PLSCR4: variants seen among roughly 807,000 people sequenced by gnomAD.
PLSCR4 encodes the protein Ca(2+)-dependent phospholipid scramblase 4.
Under a neutral mutation model 36.3 loss-of-function variants are expected in PLSCR4, and 25 were observed. The ratio of observed to expected loss-of-function variants is 0.69; its 90% CI spans 0.50 to 0.96. The LOEUF (loss-of-function observed/expected upper bound fraction) is 0.96, where lower values mean the gene tolerates loss of function less well. Ranked by LOEUF, PLSCR4 falls within the 40% of genes least tolerant of loss-of-function variation. The pLI, the probability that PLSCR4 is intolerant of heterozygous loss-of-function variation, is 0.00. For synonymous variants in PLSCR4, 122 were observed against 132.9 expected, an observed-to-expected ratio of 0.92 and a Z score of 0.56; for missense variants, 408 against 414.7, an observed-to-expected ratio of 0.98 and a Z score of 0.14.
At chr3:146,228,927 A>G (rs2035585077) in intron 1 of PLSCR4, among the ~76,000 whole-genome samples, 1 of 152,158 alleles carries the variant, frequency 6.6e-6, no homozygotes, top group Non-Finnish European at 1.5e-5. Flanking sequence ...CTAATATATC[A>G]CAAGTACCTA....
At chr3:146,211,619 C>A (rs115888538) in intron 3 of PLSCR4, among the ~76,000 whole-genome samples, 64 of 152,118 alleles carry the variant, frequency 4.2e-4, no homozygotes, top group African/African-American at 1.5e-3. Flanking sequence ...GAAACTATTG[C>A]CTAATCCAAG....
At position 146,192,931 on chromosome 3, in the gene PLSCR4, CA is replaced by C. The variant is rs1411166785; in HGVS notation, c.*1479del. On this transcript the variant is annotated 3_prime_UTR_variant, in exon 9 of 9. Transcript: ENST00000354952. ...TTAAAAAACAAAGCACCTTTCATTT[CA>C]AAAAGAACTGTAGGCTAAGACCCTC... 2.0e-5 allele frequency: 3 copies of C among 152,030 alleles called. No homozygotes were observed. The highest frequency in any genetic ancestry group is 7.2e-5 in the African/African-American group (3 of 41,494). 9.4% of individuals were successfully genotyped at this position (152,030 alleles called of 1,614,324 possible). A position where few individuals can be genotyped will look rare whatever the true frequency, so the allele number is the denominator to read the frequency against.
intron 1 of PLSCR4, among the ~76,000 whole-genome samples, chr3:146,241,366 T>C (rs1008898685): frequency 6.6e-6 from 1 of 152,154 alleles, no homozygotes; most frequent in Non-Finnish European, 1.5e-5. Context: ...AAAAGAAAGC[T>C]GGAGTGGTTA....
chr3:146,201,611 T>G (rs16858040), intron 4 of PLSCR4, among the ~76,000 whole-genome samples: 7,790 of 152,160 alleles, frequency 0.051, 606 homozygotes, highest in African/African-American at 0.17. Context: ...TAAACTGACT[T>G]GCATTCACTT....
At chr3:146,243,613 A>G (rs1031605355) in intron 1 of PLSCR4, among the ~76,000 whole-genome samples, 1 of 152,322 alleles carries the variant, frequency 6.6e-6, no homozygotes, top group Non-Finnish European at 1.5e-5. Context: ...TTAAAACTGC[A>G]AAGTGCCTAT....
chr3:146,220,949 G>C, intron 2 of PLSCR4, 24 bp from the exon 3 acceptor site: 2 of 1,371,620 alleles, frequency 1.5e-6, no homozygotes, highest in Non-Finnish European at 2.1e-6. Context: ...CAGGGAACAT[G>C]ACTTACAAAG....
rs369298750 is a variant in PLSCR4 at position 146,207,526 on chromosome 3, TCA to T, written c.119-767_119-766del. On this transcript the variant is annotated intron_variant, in intron 3 of 8. Transcript: ENST00000354952. ...AGATGTTCACCTTCTTGCTATATGC[TCA>T]CAGAGTGAAGGGGGAGAGAGAGAGA... 4.1e-4 allele frequency among the ~76,000 whole-genome samples: 63 copies of T among 152,120 alleles called. 1 individual carries two copies. The highest frequency in any genetic ancestry group is 1.4e-3 in the African/African-American group (59 of 41,526).
chr3:146,196,316 A>G (rs2033740400), intron 7 of PLSCR4: 1 of 244,990 alleles, frequency 4.1e-6, no homozygotes, highest in Non-Finnish European at 8.0e-6. Flanking sequence ...TAGGGAAAAA[A>G]ATGGTTAATT....
chr3:146,234,330 C>T (rs2107830400), intron 1 of PLSCR4, among the ~76,000 whole-genome samples: 1 of 152,242 alleles, frequency 6.6e-6, no homozygotes, highest in East Asian at 1.9e-4. Context: ...GAATGAGCAT[C>T]CCTAAAGCTC....
At chr3:146,213,098 CT>C (rs2034709510) in intron 3 of PLSCR4, among the ~76,000 whole-genome samples, 2 of 151,984 alleles carry the variant, frequency 1.3e-5, no homozygotes, top group East Asian at 3.9e-4. Context: ...GTGTTTAATC[CT>C]TTTTTATGTT....
At chr3:146,216,629 T>G (rs528507595) in intron 3 of PLSCR4, among the ~76,000 whole-genome samples, 17 of 152,202 alleles carry the variant, frequency 1.1e-4, no homozygotes, top group African/African-American at 4.1e-4. Flanking sequence ...TGAAAGTCAT[T>G]AGCTGACGTA....
chr3:146,237,124 G>T (rs1266574780), intron 1 of PLSCR4, among the ~76,000 whole-genome samples: 3 of 152,060 alleles, frequency 2.0e-5, no homozygotes, highest in Non-Finnish European at 4.4e-5. Context: ...CAAACAGGTC[G>T]AAAAAGGAAA....
chr3:146,207,438 G>A (rs760208177), intron 3 of PLSCR4, among the ~76,000 whole-genome samples: 1 of 151,354 alleles, frequency 6.6e-6, no homozygotes, highest in Non-Finnish European at 1.5e-5. Flanking sequence ...AGTTCTGGAG[G>A]CTGGGAAGTT....
In PLSCR4 at chr3:146,235,957, T is replaced by C. The variant is rs1028455026; in HGVS notation, c.-21-13865A>G. On this transcript the variant is annotated intron_variant, in intron 1 of 8. Transcript: ENST00000354952. Reference sequence around the variant, plus strand: ...GAAGAAATTTCTAAGCAGCAAAACATCAAGATGTGGCCTGGCTGCTTCTAA... The same window carrying C: ...GAAGAAATTTCTAAGCAGCAAAACACCAAGATGTGGCCTGGCTGCTTCTAA... 5.9e-5 allele frequency among the ~76,000 whole-genome samples: 9 copies of C among 152,096 alleles called. No individual in the cohort carries two copies. In the South Asian group the frequency reaches 1.9e-3, roughly 32 times the overall value.
In PLSCR4 at chr3:146,195,244, A is replaced by G; in HGVS notation, c.825T>C (p.Ile275=). Residue 275 remains isoleucine, a synonymous_variant, in exon 8 of 9, where the codon ATT becomes ATC. Transcript: ENST00000354952. The part of the protein sequence containing the change: ...SLDGISNIGS[I]IRKWNGLLSA... ...ATAACAAACCATTCCACTTCCGGAT[A>G]ATACTGCCGATGTTGGATATGCCAT... 6.2e-7 allele frequency: 1 copy of G among 1,613,816 alleles called. No individual in the cohort carries two copies. Among genetic ancestry groups the G allele is most frequent in the Non-Finnish European group, 8.5e-7 (1 of 1,179,736 alleles).
chr3:146,212,987 C>G (rs1024261349), intron 3 of PLSCR4, among the ~76,000 whole-genome samples: 3 of 152,054 alleles, frequency 2.0e-5, no homozygotes, highest in Non-Finnish European at 4.4e-5. Flanking sequence ...GGTGTTTGTA[C>G]TATATTTTAT....
chr3:146,226,669 A>C (rs2108309098), intron 1 of PLSCR4, among the ~76,000 whole-genome samples: 1 of 152,360 alleles, frequency 6.6e-6, no homozygotes, highest in South Asian at 2.1e-4. Flanking sequence ...CTCTACTTTT[A>C]ACACAGTTCC....
At chr3:146,238,555 T>C (rs1482286801) in intron 1 of PLSCR4, among the ~76,000 whole-genome samples, 2 of 151,982 alleles carry the variant, frequency 1.3e-5, no homozygotes, top group Non-Finnish European at 2.9e-5. Flanking sequence ...GTAATCTCAA[T>C]AGATGACAGA....
At chr3:146,205,664 G>C (rs565650876) in intron 4 of PLSCR4, among the ~76,000 whole-genome samples, 7 of 152,166 alleles carry the variant, frequency 4.6e-5, no homozygotes, top group African/African-American at 7.2e-5. Flanking sequence ...GTGCCAGGCA[G>C]AACACAGCAG....
Sources: allele counts gnomAD v4.1 joint callset (sites outside exome capture counted in the v4.1 genomes callset), GRCh38; gene constraint gnomAD v4.1.1; transcripts MANE v1.5; gene names NCBI Gene and HGNC (gene_info 2026-07-23, HGNC 2026-07-21).